The following OPCML variants were observed in gnomAD, a reference collection of about 807,000 sequenced individuals.
OPCML encodes the protein opioid binding protein/cell adhesion molecule like, also known as opioid-binding protein/cell adhesion molecule.
In OPCML, 13 loss-of-function variants were observed where a neutral mutation model predicts 37.8. That is an observed-to-expected ratio of 0.34 (90% CI 0.22 to 0.55). The LOEUF is 0.55. Among genes scored for constraint, OPCML ranks in the 20% least tolerant of loss-of-function variants. The pLI is 0.91. For missense variants in OPCML, 341 were observed against 435.6 expected (o/e 0.78, Z 1.93); for synonymous variants, 176 against 168.8 (o/e 1.04, Z -0.33).
intron 1 of OPCML, among the ~76,000 whole-genome samples, chr11:133,411,846 T>A (rs1945658726): frequency 6.6e-6 from 1 of 152,164 alleles, no homozygotes; most frequent in Non-Finnish European, 1.5e-5. Flanking sequence ...GTTTTTCTGT[T>A]TATTGTCTTT....
chr11:132,792,926 G>T (rs1565867683), intron 2 of OPCML, among the ~76,000 whole-genome samples: 1 of 152,188 alleles, frequency 6.6e-6, no homozygotes, highest in Non-Finnish European at 1.5e-5. Flanking sequence ...AAGCATGACG[G>T]AGCCCAGTGC....
intron 1 of OPCML, chr11:133,439,237 G>A (rs1342611078): frequency 2.3e-5 from 22 of 961,184 alleles, no homozygotes; most frequent in Admixed American, 6.2e-5. Flanking sequence ...CCCAGGCAGC[G>A]TCACAATTGA....
intron 2 of OPCML, among the ~76,000 whole-genome samples, chr11:132,873,044 A>G (rs1237559475): frequency 2.6e-5 from 4 of 152,092 alleles, no homozygotes; most frequent in Admixed American, 1.3e-4. Context: ...CCCAGCATGA[A>G]AGGTCCCCTC....
chr11:133,300,661 C>T (rs1007201908), intron 1 of OPCML: 7 of 152,088 alleles, frequency 4.6e-5, no homozygotes, highest in Non-Finnish European at 8.8e-5. Context: ...TTGTAAACAT[C>T]GTTTTGTATG....
At position 132,730,475 on chromosome 11, in the gene OPCML, C is replaced by T. The variant is rs117146427; in HGVS notation, c.147-73156G>A. 5.2e-3 allele frequency among the ~76,000 whole-genome samples: 790 copies of T among 152,142 alleles called. 4 individuals are homozygous for T. The highest frequency in any genetic ancestry group is 8.0e-3 in the Admixed American group (123 of 15,284). ...AGCTCTGATCCTCCCTTGATAAATA[C>T]GATGTCAATTATTTTCTTCTCTGTG... On this transcript the variant is annotated intron_variant, in intron 2 of 7. Transcript: ENST00000524381.
At chr11:132,688,047 C>T (rs946227400) in intron 2 of OPCML, among the ~76,000 whole-genome samples, 18 of 152,166 alleles carry the variant, frequency 1.2e-4, no homozygotes, top group East Asian at 3.9e-4. Flanking sequence ...CGGGAAATGA[C>T]GATTCTATCA....
At chr11:133,089,801 A>C (rs1948876192) in intron 1 of OPCML, among the ~76,000 whole-genome samples, 1 of 151,912 alleles carries the variant, frequency 6.6e-6, no homozygotes, top group South Asian at 2.1e-4. Context: ...TTTGATAGAG[A>C]CATTGGGGAA....
chr11:133,260,399 G>A (rs1268557888), intron 1 of OPCML, among the ~76,000 whole-genome samples: 1 of 152,096 alleles, frequency 6.6e-6, no homozygotes, highest in African/African-American at 2.4e-5. Context: ...CTGGGACCAG[G>A]GGGCTATTGC....
chr11:132,423,069 T>C (rs2095965490), intron 7 of OPCML, among the ~76,000 whole-genome samples: 1 of 152,152 alleles, frequency 6.6e-6, no homozygotes, highest in African/African-American at 2.4e-5. Flanking sequence ...TTAGGAGAGA[T>C]AGTTGGTGAG....
intron 2 of OPCML, among the ~76,000 whole-genome samples, chr11:132,831,202 G>A (rs959877567): frequency 3.9e-5 from 6 of 152,078 alleles, no homozygotes; most frequent in African/African-American, 1.2e-4. Context: ...TGAAATACAA[G>A]AGGAAATTTC....
intron 2 of OPCML, among the ~76,000 whole-genome samples, chr11:132,669,288 A>T (rs1447094866): frequency 1.3e-5 from 2 of 151,974 alleles, no homozygotes; most frequent in African/African-American, 4.8e-5. Flanking sequence ...GCTGAAGGAG[A>T]TGAGGGACAT....
intron 2 of OPCML, among the ~76,000 whole-genome samples, chr11:132,798,862 T>C (rs1011396287): frequency 2.0e-5 from 3 of 152,208 alleles, no homozygotes; most frequent in Non-Finnish European, 4.4e-5. Flanking sequence ...AGCTCTTGGG[T>C]AGATTGTCAA....
At chr11:132,435,522 A>G (rs1407858655) in intron 7 of OPCML, among the ~76,000 whole-genome samples, 1 of 152,208 alleles carries the variant, frequency 6.6e-6, no homozygotes, top group East Asian at 1.9e-4. Context: ...AGGGGCTTTA[A>G]AGGAGGTCAG....
chr11:132,973,942 C>A (rs1216719649), intron 1 of OPCML, among the ~76,000 whole-genome samples: 1 of 151,920 alleles, frequency 6.6e-6, no homozygotes, highest in Admixed American at 6.6e-5. Flanking sequence ...CCTTACCAAG[C>A]ATAGAGAAAG....
chr11:133,172,689 TCAGTCCTTTTTTTA>T (rs997316947), intron 1 of OPCML, among the ~76,000 whole-genome samples: 1 of 152,142 alleles, frequency 6.6e-6, no homozygotes, highest in Non-Finnish European at 1.5e-5. Context: ...GTGAGAAAAC[TCAGTCCTTTTTTTA>T]ATATTCTGAT....
chr11:133,199,967 G>A (rs1449912640), intron 1 of OPCML, among the ~76,000 whole-genome samples: 5 of 152,178 alleles, frequency 3.3e-5, no homozygotes, highest in African/African-American at 1.2e-4. Context: ...ACTCGGGAGA[G>A]ACTCCTGAAG....
chr11:133,412,351 T>C (rs7113969), intron 1 of OPCML, among the ~76,000 whole-genome samples: 13,774 of 152,160 alleles, frequency 0.091, 1,825 homozygotes, highest in African/African-American at 0.29. Flanking sequence ...TCCCTCTAAA[T>C]GTCTGTCACT....
chr11:132,879,539 A>G (rs534909431), intron 2 of OPCML, among the ~76,000 whole-genome samples: 2 of 152,176 alleles, frequency 1.3e-5, no homozygotes, highest in Non-Finnish European at 2.9e-5. Flanking sequence ...TGCAAGAAAT[A>G]AAGTGGGAAA....
At chr11:133,097,301 G>A (rs1021175018) in intron 1 of OPCML, among the ~76,000 whole-genome samples, 16 of 152,144 alleles carry the variant, frequency 1.1e-4, no homozygotes, top group South Asian at 4.1e-4. Flanking sequence ...TAAATGACCC[G>A]TGGGTCAAAG....
Sources: gnomAD v4.1 joint callset for allele counts (sites outside exome capture counted in the v4.1 genomes callset) on GRCh38, gnomAD v4.1.1 for gene constraint, MANE v1.5 for transcripts, NCBI Gene and HGNC (gene_info 2026-07-23, HGNC 2026-07-21) for gene names.